Variants in NLK observed in about 807,000 individuals in gnomAD.
NLK encodes nemo like kinase.
A neutral mutation model predicts 59.0 loss-of-function variants in NLK; 11 were observed. The ratio of observed to expected loss-of-function variants is 0.19; its 90% confidence interval spans 0.12 to 0.31. The LOEUF is 0.31. NLK is among the 10% of genes least tolerant of loss of function. The pLI, the probability that NLK is intolerant of heterozygous loss-of-function variation, is 1.00. For missense variants in NLK, 410 were observed against 661.1 expected (o/e 0.62, Z 4.16); for synonymous variants, 235 against 235.9 (o/e 1.00, Z 0.03).
At chr17:28,202,226 G>A in the NLK span, among the ~76,000 whole-genome samples, 2 of 152,150 alleles carry the variant, frequency 1.3e-5, no homozygotes, top group Admixed American at 1.3e-4. Flanking sequence ...GTAAGACCCT[G>A]TCTCTAAAAA....
chr17:28,205,831 C>T, the NLK span, among the ~76,000 whole-genome samples: 1 of 152,052 alleles, frequency 6.6e-6, no homozygotes, highest in African/African-American at 2.4e-5. Context: ...TAGGTTCATC[C>T]ATGCAAGTAA....
chr17:28,124,036 A>T (rs2142821004), intron 2 of NLK, among the ~76,000 whole-genome samples: 1 of 152,348 alleles, frequency 6.6e-6, no homozygotes, highest in East Asian at 1.9e-4. Flanking sequence ...GCAAATTTTG[A>T]AAAGTTTGAG....
chr17:28,157,955 T>C (rs187625169), intron 3 of NLK, among the ~76,000 whole-genome samples: 15 of 152,310 alleles, frequency 9.8e-5, no homozygotes, highest in Non-Finnish European at 5.9e-5. Context: ...TCTAAGAGTT[T>C]AGGATAAATT....
intron 3 of NLK, among the ~76,000 whole-genome samples, chr17:28,143,043 CTTTT>C (rs527832848): frequency 7.4e-6 from 1 of 135,996 alleles, no homozygotes; most frequent in Admixed American, 7.5e-5. Context: ...AAGATGAAAA[CTTTT>C]TTTTTTTTTT....
intron 7 of NLK, among the ~76,000 whole-genome samples, chr17:28,174,078 T>C (rs1908578136): frequency 6.6e-6 from 1 of 152,216 alleles, no homozygotes; most frequent in Non-Finnish European, 1.5e-5. Context: ...ATAGAACGGC[T>C]GGAAAATGTA....
intron 3 of NLK, among the ~76,000 whole-genome samples, chr17:28,157,403 C>T (rs974476125): frequency 2.0e-5 from 3 of 152,046 alleles, no homozygotes; most frequent in Non-Finnish European, 4.4e-5. Flanking sequence ...GTTGGCCAGG[C>T]TCGTCTCAAA....
At chr17:28,121,255 A>T (rs1258477752) in intron 1 of NLK, among the ~76,000 whole-genome samples, 1 of 151,736 alleles carries the variant, frequency 6.6e-6, no homozygotes, top group Admixed American at 6.6e-5. Flanking sequence ...AGGAATAAAT[A>T]CTCAGAGCAT....
At chr17:28,087,528 G>A (rs1349427550) in intron 1 of NLK, among the ~76,000 whole-genome samples, 4 of 152,180 alleles carry the variant, frequency 2.6e-5, no homozygotes, top group African/African-American at 4.8e-5. Flanking sequence ...GAATATTTCA[G>A]CTAATGGAAA....
At chr17:28,173,809 C>G (rs886263001) in intron 7 of NLK, among the ~76,000 whole-genome samples, 1 of 152,162 alleles carries the variant, frequency 6.6e-6, no homozygotes, top group African/African-American at 2.4e-5. Flanking sequence ...ACTAATGCCT[C>G]TTGGTAAATG....
chr17:28,086,766 C>T (rs1432245790), intron 1 of NLK, among the ~76,000 whole-genome samples: 2 of 151,780 alleles, frequency 1.3e-5, no homozygotes, highest in Non-Finnish European at 2.9e-5. Context: ...AGAGTGGTGG[C>T]TCACGCCTAT....
At chr17:28,061,816 T>A (rs945450713) in intron 1 of NLK, among the ~76,000 whole-genome samples, 3 of 145,804 alleles carry the variant, frequency 2.1e-5, no homozygotes, top group Non-Finnish European at 3.0e-5. Flanking sequence ...TATACATATA[T>A]AATATATACA....
Position 28,122,057 on chromosome 17 carries a change from CT to C in NLK, c.459-545del, listed in dbSNP as rs540731014. Among the ~76,000 whole-genome samples the C allele has an allele frequency of 9.0e-4, 137 of 152,270 alleles. 1 individual carries two copies. The highest frequency in any genetic ancestry group is 3.2e-3 in the African/African-American group (133 of 41,536). The stretch of plus-strand genomic sequence containing the variant: ...CATTACTCGGGAGCTACAGGGATCC[CT>C]AAGCTGGCACCCAGACTTCTAAGGA... On this transcript the variant is annotated intron_variant, in intron 1 of 10. Coordinates refer to ENST00000407008, the MANE Select transcript of NLK (RefSeq NM_016231.5).
At position 28,174,821 on chromosome 17, in the gene NLK, C is replaced by G. The variant is rs936308092; in HGVS notation, c.1149+2203C>G. On this transcript the variant is annotated intron_variant, in intron 7 of 10. Transcript: ENST00000407008. ...CCACCAATCAGATTCTACCTTTTCA[C>G]TTCCCACTCCCTGCCCACTCACCAA... is the stretch of plus-strand genomic sequence containing the variant. 2.0e-5 allele frequency among the ~76,000 whole-genome samples: 3 copies of G among 152,102 alleles called. No homozygotes were observed. The South Asian group carries it at 6.2e-4, about 32-fold the overall frequency.
intron 3 of NLK, 126 bp from the exon 4 acceptor site, chr17:28,161,034 T>C (rs1176909232): frequency 1.8e-6 from 1 of 564,156 alleles, no homozygotes. Flanking sequence ...TCTGTCACGC[T>C]GTCTAGAAGC....
At chr17:28,169,888 G>A (rs1398121707) in intron 6 of NLK, among the ~76,000 whole-genome samples, 1 of 151,990 alleles carries the variant, frequency 6.6e-6, no homozygotes, top group Admixed American at 6.6e-5. Context: ...AAATAAGACA[G>A]CATTGTTCTT....
chr17:28,196,494 C>T (rs1436400360), downstream of NLK: 2 of 152,154 alleles, frequency 1.3e-5, no homozygotes, highest in Non-Finnish European at 2.9e-5. Context: ...CCACTTTGAT[C>T]TTTGAGGAAA....
chr17:28,142,190 T>C (rs781261321), intron 3 of NLK, among the ~76,000 whole-genome samples: 1 of 152,224 alleles, frequency 6.6e-6, no homozygotes, highest in African/African-American at 2.4e-5. Flanking sequence ...AATGACAGCT[T>C]TCCCGCTTTT....
chr17:28,100,677 G>T (rs1360322086), intron 1 of NLK, among the ~76,000 whole-genome samples: 1 of 152,156 alleles, frequency 6.6e-6, no homozygotes, highest in African/African-American at 2.4e-5. Flanking sequence ...TTTCTTAACA[G>T]TGTATTTTGA....
chr17:28,125,560 A>AAGTGTTTAAAAGTGAGGCACAT (rs1906257377), intron 2 of NLK, among the ~76,000 whole-genome samples: 1 of 152,150 alleles, frequency 6.6e-6, no homozygotes, highest in Non-Finnish European at 1.5e-5. Context: ...ACATCTGTGA[A>AAGTGTTTAAAAGTGAGGCACAT]AGTGTTTAAA....
Sources: gnomAD v4.1 joint callset for allele counts (sites outside exome capture counted in the v4.1 genomes callset) on GRCh38, gnomAD v4.1.1 for gene constraint, MANE v1.5 for transcripts, NCBI Gene and HGNC (gene_info 2026-07-23, HGNC 2026-07-21) for gene names.